Variants in GABRA3 observed in about 807,000 individuals in gnomAD.
GABRA3 encodes the protein gamma-aminobutyric acid receptor subunit alpha-3.
In GABRA3, 10 loss-of-function variants were observed where a neutral mutation model predicts 30.1. That is an observed-to-expected ratio of 0.33 (90% CI 0.20 to 0.56). The LOEUF is 0.56. Ranked by LOEUF, GABRA3 falls within the 20% of genes least tolerant of loss-of-function variation. The pLI is 0.89. For synonymous variants in GABRA3, 151 were observed against 146.8 expected (o/e 1.03, Z -0.21); for missense variants, 233 against 392.0 (o/e 0.59, Z 3.42).
rs200887244 is a variant in GABRA3 at position 152,442,059 on chromosome X, A to T, written c.-27+9087T>A. Among the ~76,000 whole-genome samples the T allele has an allele frequency of 3.8e-4, 42 of 111,379 alleles. No homozygotes were observed. The East Asian group carries it at 0.012, about 31-fold the overall frequency. ...GCGAAGTAACATTATAGAAGCAGAT[A>T]TATGCTATATATATCACAAATAATT... On this transcript the variant is annotated intron_variant, in intron 1 of 9. Coordinates refer to ENST00000370314, the MANE Select transcript of GABRA3 (RefSeq NM_000808.4).
chrX:152,426,538 C>T (rs1275132698), intron 1 of GABRA3, among the ~76,000 whole-genome samples: 2 of 111,453 alleles, frequency 1.8e-5, no homozygotes, highest in Non-Finnish European at 3.8e-5. Flanking sequence ...TAGATCCAAC[C>T]CTGTGGTGGG....
chrX:152,287,178 T>A (rs192636106), intron 3 of GABRA3, among the ~76,000 whole-genome samples: 5 of 112,199 alleles, frequency 4.5e-5, no homozygotes, highest in Non-Finnish European at 9.4e-5. Flanking sequence ...ACAGAATAAC[T>A]TTCTAAATCA....
rs1936945440 is a variant in GABRA3, at chrX:152,167,068, G to C, written c.*1160C>G. The C allele has an allele frequency of 8.9e-6, 1 of 111,783 alleles. No individual in the cohort carries two copies. Among genetic ancestry groups the C allele is most frequent in the Non-Finnish European group, 1.9e-5 (1 of 53,224 alleles). 9.2% of individuals were successfully genotyped at this position (111,783 alleles called of 1,213,427 possible). On this transcript the variant is annotated 3_prime_UTR_variant, in exon 10 of 10. Transcript: ENST00000370314. ...TTAATGATCTAGTTGACTCAATATT[G>C]ACTAGAGATATTTATTTGTATGAAT... is the stretch of plus-strand genomic sequence containing the variant.
At chrX:152,214,301 A>AAT (rs1336316471) in intron 6 of GABRA3, among the ~76,000 whole-genome samples, 1 of 110,978 alleles carries the variant, frequency 9.0e-6, no homozygotes, top group Non-Finnish European at 1.9e-5. Flanking sequence ...TGTGTTTGTA[A>AAT]ATATATATAT....
intron 1 of GABRA3, among the ~76,000 whole-genome samples, chrX:152,450,113 C>T (rs958444571): frequency 1.2e-3 from 135 of 111,212 alleles, no homozygotes; most frequent in African/African-American, 4.3e-3. Flanking sequence ...ACTACAAGAG[C>T]CTCAATCAGT....
At chrX:152,451,115 AG>A in intron 1 of GABRA3, 30 bp downstream of exon 1, 1 of 113,042 alleles carries the variant, frequency 8.8e-6, no homozygotes, top group Non-Finnish European at 1.9e-5. Flanking sequence ...AGCTTGGGGG[AG>A]GGGGAAGAAG....
At chrX:152,389,395 G>T (rs1929414930) in intron 1 of GABRA3, 1 of 111,663 alleles carries the variant, frequency 9.0e-6, no homozygotes, top group Admixed American at 9.6e-5. Context: ...CACAGAACAT[G>T]AATTTTTAAA....
chrX:152,187,644 T>C lies in GABRA3; in HGVS notation c.1143+2086A>G, dbSNP rs6653442. 3.7e-3 allele frequency among the ~76,000 whole-genome samples: 416 copies of C among 111,384 alleles called. 5 individuals carry two copies. Among genetic ancestry groups the C allele is most frequent in the African/African-American group, 0.013 (403 of 30,655 alleles). ...TACTAGTCAGAAGTAGAATCACAACTACAAGGAAGACTACTCATAAGAGAT... is the reference window on the plus strand; with the variant it reads ...TACTAGTCAGAAGTAGAATCACAACCACAAGGAAGACTACTCATAAGAGAT... On this transcript the variant is annotated intron_variant, in intron 9 of 9. Transcript: ENST00000370314.
chrX:152,383,986 A>G (rs928546957), intron 1 of GABRA3, among the ~76,000 whole-genome samples: 8 of 109,825 alleles, frequency 7.3e-5, no homozygotes, highest in South Asian at 7.7e-4. Context: ...AAAAAAAAAA[A>G]AAAAGAAAAA....
intron 1 of GABRA3, among the ~76,000 whole-genome samples, chrX:152,389,854 A>G (rs897665208): frequency 4.5e-5 from 5 of 110,903 alleles, no homozygotes; most frequent in African/African-American, 1.3e-4. Flanking sequence ...GGATCAAACT[A>G]TAATGGCTCA....
chrX:152,180,344 C>G (rs1172329546), intron 9 of GABRA3, among the ~76,000 whole-genome samples: 1 of 112,018 alleles, frequency 8.9e-6, no homozygotes, highest in Non-Finnish European at 1.9e-5. Context: ...AGCTGTATGT[C>G]TTCTTTTGAG....
chrX:152,375,059 C>A (rs1928958836), intron 1 of GABRA3, among the ~76,000 whole-genome samples: 1 of 111,231 alleles, frequency 9.0e-6, no homozygotes, highest in African/African-American at 3.3e-5. Flanking sequence ...ATGAAAATGG[C>A]CATACCGCCC....
At chrX:152,223,701 C>T (rs1451453413) in intron 6 of GABRA3, among the ~76,000 whole-genome samples, 1 of 109,091 alleles carries the variant, frequency 9.2e-6, no homozygotes, top group Non-Finnish European at 1.9e-5. Flanking sequence ...AATATTTCTG[C>T]TTGAATGTTC....
At chrX:152,410,152 G>A (rs1022135818) in intron 1 of GABRA3, among the ~76,000 whole-genome samples, 1 of 111,796 alleles carries the variant, frequency 8.9e-6, no homozygotes, top group African/African-American at 3.3e-5. Context: ...ACTCATTTGT[G>A]AGAACTAAAA....
chrX:152,400,338 A>G (rs924218874), intron 1 of GABRA3, among the ~76,000 whole-genome samples: 2 of 108,111 alleles, frequency 1.8e-5, no homozygotes, highest in African/African-American at 6.8e-5. Flanking sequence ...ACATAAATAG[A>G]TAAATAAATA....
chrX:152,362,701 A>G (rs1928542410), intron 2 of GABRA3, among the ~76,000 whole-genome samples: 1 of 111,690 alleles, frequency 9.0e-6, no homozygotes, highest in Non-Finnish European at 1.9e-5. Context: ...GAAAAGTTGG[A>G]AAAAAGTAGA....
intron 3 of GABRA3, among the ~76,000 whole-genome samples, chrX:152,299,210 C>A (rs188515876): frequency 2.7e-5 from 3 of 111,663 alleles, no homozygotes; most frequent in Non-Finnish European, 3.8e-5. Context: ...AATGTTGAAG[C>A]CAGAATTCTG....
intron 3 of GABRA3, among the ~76,000 whole-genome samples, chrX:152,304,089 G>T (rs1448407088): frequency 1.8e-5 from 2 of 111,526 alleles, no homozygotes; most frequent in Admixed American, 1.9e-4. Flanking sequence ...TTTGTTTTTT[G>T]GATGTTTGTA....
At chrX:152,324,280 A>G (rs1492293) in intron 3 of GABRA3, among the ~76,000 whole-genome samples, 23,638 of 111,728 alleles carry the variant, frequency 0.21, 2,287 homozygotes, top group African/African-American at 0.38. Context: ...AATATCAATC[A>G]GCAGTAAAAT....
Sources: gnomAD v4.1 joint callset for allele counts (sites outside exome capture counted in the v4.1 genomes callset) on GRCh38, gnomAD v4.1.1 for gene constraint, MANE v1.5 for transcripts, NCBI Gene and HGNC (gene_info 2026-07-23, HGNC 2026-07-21) for gene names.